Variants in P2RX7 observed in about 807,000 individuals in gnomAD.
The protein encoded by P2RX7 is purinergic receptor P2X 7.
Under a neutral mutation model 71.6 loss-of-function variants are expected in P2RX7, and 62 were observed. The ratio of observed to expected loss-of-function variants is 0.87; its 90% CI spans 0.71 to 1.07. The LOEUF (loss-of-function observed/expected upper bound fraction) is 1.07. Ranked by LOEUF, P2RX7 falls within the 50% of genes least tolerant of loss-of-function variation. P2RX7 has a pLI of 0.00. For synonymous variants in P2RX7, 299 were observed against 283.3 expected, an observed-to-expected ratio of 1.06 and a Z score of -0.56; for missense variants, 686 against 748.5, an observed-to-expected ratio of 0.92 and a Z score of 0.97.
intron 1 of P2RX7, among the ~76,000 whole-genome samples, chr12:121,134,004 G>A (rs1006098380): frequency 2.6e-5 from 4 of 152,066 alleles, no homozygotes; most frequent in South Asian, 2.1e-4. Flanking sequence ...GATTACAGGC[G>A]TGAGCCATTG....
At chr12:121,171,842 C>T (rs915087752) in intron 8 of P2RX7, among the ~76,000 whole-genome samples, 2 of 150,176 alleles carry the variant, frequency 1.3e-5, no homozygotes, top group Non-Finnish European at 3.0e-5. Flanking sequence ...AACACACTCA[C>T]CCCAAGTGAT....
chr12:121,182,126 T>C lies in P2RX7; in HGVS notation c.1290+1671T>C, dbSNP rs1884248291. 3.3e-5 allele frequency among the ~76,000 whole-genome samples: 5 copies of C among 152,190 alleles called. No homozygotes were observed. In the South Asian group the frequency reaches 1.0e-3, roughly 31 times the overall value. Reference sequence around the variant, plus strand: ...ATATCAGTGAGTTTTCTTCTTTTTTTCTGTTAGTTGAATTGTACTGATTGA... The same window carrying C: ...ATATCAGTGAGTTTTCTTCTTTTTTCCTGTTAGTTGAATTGTACTGATTGA... On this transcript the variant is annotated intron_variant, in intron 12 of 12. Transcript: ENST00000328963.
intron 2 of P2RX7, chr12:121,155,177 C>T: frequency 6.7e-7 from 1 of 1,491,258 alleles, no homozygotes; most frequent in Non-Finnish European, 8.9e-7. Flanking sequence ...TCAAAATAGC[C>T]TCATGTCCTG....
intron 8 of P2RX7, among the ~76,000 whole-genome samples, chr12:121,171,366 T>TC (rs1882143211): frequency 6.7e-6 from 1 of 148,188 alleles, no homozygotes; most frequent in Non-Finnish European, 1.5e-5. Context: ...TCTCTTTTTT[T>TC]TTTTTTTTTT....
chr12:121,181,523 A>G (rs1314701003), intron 12 of P2RX7, among the ~76,000 whole-genome samples: 2 of 152,110 alleles, frequency 1.3e-5, no homozygotes, highest in African/African-American at 4.8e-5. Context: ...GGCATCTTCA[A>G]TTTCCTAGGG....
rs199619747 is a variant in P2RX7, at chr12:121,184,814, G to A, written c.*12G>A. On this transcript the variant is annotated 3_prime_UTR_variant, in exon 13 of 13. Transcript: ENST00000328963. ...AGAGTCCTTACTGAAGCCAGGCACCGTGGCTCACGTCTGTAATCCCAGCGC... is the reference window on the plus strand; with the variant it reads ...AGAGTCCTTACTGAAGCCAGGCACCATGGCTCACGTCTGTAATCCCAGCGC... 85 of 1,522,410 alleles carry A rather than the reference G, an allele frequency of 5.6e-5. No homozygotes were observed. The highest frequency in any genetic ancestry group is 5.0e-4 in the African/African-American group (36 of 72,534). The allele number at this position is 1,522,410 out of a possible 1,614,324, so 94.3% of individuals were successfully genotyped here.
At chr12:121,161,557 G>A (rs893797809) in intron 4 of P2RX7, among the ~76,000 whole-genome samples, 2 of 151,364 alleles carry the variant, frequency 1.3e-5, no homozygotes, top group African/African-American at 4.9e-5. Flanking sequence ...CTTTGGGAGG[G>A]TGAGGCAGAT....
intron 8 of P2RX7, among the ~76,000 whole-genome samples, chr12:121,169,401 C>A (rs1881733172): frequency 6.6e-6 from 1 of 152,150 alleles, no homozygotes; most frequent in Non-Finnish European, 1.5e-5. Context: ...TCATACCGAC[C>A]TATTATCTGA....
chr12:121,176,944 C>G (rs1883254651), intron 9 of P2RX7, among the ~76,000 whole-genome samples: 1 of 152,078 alleles, frequency 6.6e-6, no homozygotes, highest in South Asian at 2.1e-4. Context: ...CTTTATGGGT[C>G]CAAGCACACC....
Position 121,136,019 on chromosome 12 carries a change from A to ATATATAT in P2RX7, c.125+2924_125+2925insTATATAT, listed in dbSNP as rs1456392857. Among the ~76,000 whole-genome samples, 27 of 17,848 alleles carry ATATATAT rather than the reference A, an allele frequency of 1.5e-3. 1 individual carries two copies. Among genetic ancestry groups the ATATATAT allele is most frequent in the South Asian group, 0.011 (2 of 178 alleles). The allele number at this position is 17,848 out of a possible 152,430, so 11.7% of individuals were successfully genotyped here. ...ACTCTGTCTCAAAAAAAAAAAAAAA[A>ATATATAT]AAAAATATATATATATATATATAGT... On this transcript the variant is annotated intron_variant, in intron 1 of 12. Transcript: ENST00000328963.
chr12:121,140,226 G>A (rs1874562980), intron 1 of P2RX7, among the ~76,000 whole-genome samples: 2 of 146,332 alleles, frequency 1.4e-5, no homozygotes, highest in African/African-American at 5.5e-5. Flanking sequence ...CAAAGACCTG[G>A]AAACAAGAGG....
intron 1 of P2RX7, among the ~76,000 whole-genome samples, chr12:121,143,134 A>G (rs1442011614): frequency 6.7e-6 from 1 of 150,002 alleles, no homozygotes; most frequent in Non-Finnish European, 1.5e-5. Flanking sequence ...TAATCCCAGC[A>G]TTTGGGAGGC....
At chr12:121,147,067 C>A (rs1159107947) in intron 1 of P2RX7, among the ~76,000 whole-genome samples, 1 of 151,524 alleles carries the variant, frequency 6.6e-6, no homozygotes. Flanking sequence ...TTGCAAGGAA[C>A]AAGATCAACC....
chr12:121,174,055 T>C (rs1474566742), intron 8 of P2RX7, among the ~76,000 whole-genome samples: 2 of 146,296 alleles, frequency 1.4e-5, no homozygotes, highest in African/African-American at 2.5e-5. Context: ...TTTCTTTTTT[T>C]TTTTTTTTTT....
At position 121,175,507 on chromosome 12, in the gene P2RX7, C is replaced by G. The variant is rs74550515; in HGVS notation, c.972+29C>G. 604 of 962,870 alleles carry G rather than the reference C, an allele frequency of 6.3e-4. 1 individual carries two copies. The African/African-American group carries it at 8.5e-3, about 13-fold the overall frequency. The allele number at this position is 962,870 out of a possible 1,614,324, so 59.6% of individuals were successfully genotyped here. On this transcript the variant is annotated intron_variant, in intron 9 of 12. Coordinates refer to ENST00000328963, the MANE Select transcript of P2RX7 (RefSeq NM_002562.6). ...AGTCTCGTTTCCCAGCTCCGGGCAC[C>G]GGCATCCTATGACTGTGTCCTAATT...
intron 1 of P2RX7, among the ~76,000 whole-genome samples, chr12:121,145,640 G>T (rs1331121720): frequency 5.9e-5 from 9 of 151,970 alleles, no homozygotes; most frequent in Non-Finnish European, 1.2e-4. Flanking sequence ...CCAAGTAGCT[G>T]GGATTACAGG....
chr12:121,165,997 A>G, intron 6 of P2RX7, 61 bp from the exon 7 acceptor site: 3 of 1,550,216 alleles, frequency 1.9e-6, no homozygotes, highest in Non-Finnish European at 2.6e-6. Flanking sequence ...CTCCTGGGAA[A>G]GAGACAGATC....
chr12:121,162,211 T>G lies in P2RX7; in HGVS notation c.437-213T>G, dbSNP rs972978928. 4.5e-6 allele frequency: 6 copies of G among 1,345,436 alleles called. No individual in the cohort carries two copies. In the Admixed American group the frequency reaches 1.6e-4, roughly 36 times the overall value. The allele number at this position is 1,345,436 out of a possible 1,614,324, so 83.3% of individuals were successfully genotyped here. ...CAGCAGAATCCACAGTCTTTCTGTG[T>G]TCTCTCTGATCTTTATTATGTTTTG... On this transcript the variant is annotated intron_variant, in intron 4 of 12. Coordinates refer to ENST00000328963, the MANE Select transcript of P2RX7 (RefSeq NM_002562.6).
At position 121,187,633 on chromosome 12, in the gene P2RX7, C is replaced by G. The variant is rs1885006048; in HGVS notation, c.*2831C>G. The G allele has an allele frequency of 6.6e-6, 1 of 151,838 alleles. No individual in the cohort carries two copies. The highest frequency in any genetic ancestry group is 2.4e-5 in the African/African-American group (1 of 41,426). 9.4% of individuals were successfully genotyped at this position (151,838 alleles called of 1,614,324 possible). On this transcript the variant is annotated 3_prime_UTR_variant, in exon 13 of 13. Coordinates refer to ENST00000328963, the MANE Select transcript of P2RX7 (RefSeq NM_002562.6). ...CATCTACTGTTTTCCATCACCTTCC[C>G]CACTGATGCTCTGGGCGAGAGAGTG... is the stretch of plus-strand genomic sequence containing the variant.
Sources: gnomAD v4.1 joint callset for allele counts (sites outside exome capture counted in the v4.1 genomes callset) on GRCh38, gnomAD v4.1.1 for gene constraint, MANE v1.5 for transcripts, NCBI Gene and HGNC (gene_info 2026-07-23, HGNC 2026-07-21) for gene names.